Variants in RNF168 observed in about 807,000 individuals in gnomAD.
RNF168 encodes the protein ring finger protein 168.
RNF168 carries 34 observed loss-of-function variants against 34.9 expected under a neutral mutation model. That is an observed-to-expected ratio of 0.97 (90% CI 0.74 to 1.30). The LOEUF (loss-of-function observed/expected upper bound fraction) is 1.30, where lower values mean the gene tolerates loss of function less well. Ranked by LOEUF, RNF168 falls within the 50% of genes most tolerant of loss-of-function variation. The pLI is 0.00. For synonymous variants in RNF168, 264 were observed against 254.7 expected (o/e 1.04, Z -0.35); for missense variants, 725 against 682.5 (o/e 1.06, Z -0.69).
At chr3:196,489,341 T>C (rs1339933808) in intron 1 of RNF168, among the ~76,000 whole-genome samples, 3 of 151,944 alleles carry the variant, frequency 2.0e-5, no homozygotes, top group Non-Finnish European at 4.4e-5. Flanking sequence ...TGTTTTTTTT[T>C]TTTGAGACAG....
chr3:196,493,009 G>C (rs1179232400), intron 1 of RNF168, among the ~76,000 whole-genome samples: 1 of 151,966 alleles, frequency 6.6e-6, no homozygotes, highest in Non-Finnish European at 1.5e-5. Flanking sequence ...AAACGACTAA[G>C]AAGAACATAT....
intron 1 of RNF168, among the ~76,000 whole-genome samples, chr3:196,500,620 A>G (rs1732856448): frequency 6.6e-6 from 1 of 152,200 alleles, no homozygotes; most frequent in Admixed American, 6.5e-5. Flanking sequence ...ATGCCACTGA[A>G]CCATACAATT....
At position 196,495,701 on chromosome 3, in the gene RNF168, T is replaced by C. The variant is rs150420076; in HGVS notation, c.302-7018A>G. 3.5e-4 allele frequency among the ~76,000 whole-genome samples: 53 copies of C among 152,342 alleles called. No homozygotes were observed. The East Asian group carries it at 9.8e-3, about 28-fold the overall frequency. ...CGACTGTATCCTTCACCCTTTGTAA[T>C]TAATAAGCAATCTGTAAGATGATAT... On this transcript the variant is annotated intron_variant, in intron 1 of 5. Coordinates refer to ENST00000318037, the MANE Select transcript of RNF168 (RefSeq NM_152617.4).
chr3:196,478,840 T>C (rs1282034674), intron 4 of RNF168, among the ~76,000 whole-genome samples: 1 of 148,962 alleles, frequency 6.7e-6, no homozygotes, highest in East Asian at 2.0e-4. Context: ...CGAATTTTTG[T>C]ATTTTTGGTA....
chr3:196,501,013 G>C (rs993077883), intron 1 of RNF168, among the ~76,000 whole-genome samples: 1 of 152,248 alleles, frequency 6.6e-6, no homozygotes, highest in South Asian at 2.1e-4. Flanking sequence ...GCCCGGCCCC[G>C]CAATTTTTTG....
chr3:196,498,777 C>T (rs1732810487), intron 1 of RNF168, among the ~76,000 whole-genome samples: 1 of 151,864 alleles, frequency 6.6e-6, no homozygotes, highest in South Asian at 2.1e-4. Flanking sequence ...GGTGGATCAC[C>T]TGAGGTCAGG....
intron 3 of RNF168, among the ~76,000 whole-genome samples, chr3:196,486,431 C>G (rs938549443): frequency 1.3e-5 from 2 of 152,110 alleles, no homozygotes; most frequent in Non-Finnish European, 2.9e-5. Flanking sequence ...CTCCTGGGCT[C>G]AAGGGATCCT....
chr3:196,503,533 G>A lies in RNF168; in HGVS notation c.-360C>T. 1 of 342,058 alleles carries A rather than the reference G, an allele frequency of 2.9e-6. No individual in the cohort carries two copies. Among genetic ancestry groups the A allele is most frequent in the Non-Finnish European group, 5.7e-6 (1 of 176,860 alleles). 21.2% of individuals were successfully genotyped at this position (342,058 alleles called of 1,614,324 possible). On this transcript the variant is annotated 5_prime_UTR_variant, in exon 1 of 6. Transcript: ENST00000318037. ...GCCAAGTCCTCTCCTCCCCTCACCCGGAAAGGATGCTCCGCTCAGCTCGGG... is the reference window on the plus strand; with the variant it reads ...GCCAAGTCCTCTCCTCCCCTCACCCAGAAAGGATGCTCCGCTCAGCTCGGG...
chr3:196,471,145 G>C lies in RNF168; in HGVS notation c.*674C>G, dbSNP rs1406487334. On this transcript the variant is annotated 3_prime_UTR_variant, in exon 6 of 6. Coordinates refer to ENST00000318037, the MANE Select transcript of RNF168 (RefSeq NM_152617.4). The stretch of plus-strand genomic sequence containing the variant: ...CGGGAGGCGGAGGTTGCAGTGAGCT[G>C]AGATCGCGCCATTGCACACCAGCCT... The C allele has an allele frequency of 7.6e-6, 1 of 132,388 alleles. No homozygotes were observed. The highest frequency in any genetic ancestry group is 2.6e-4 in the East Asian group (1 of 3,886). 8.2% of individuals were successfully genotyped at this position (132,388 alleles called of 1,614,324 possible).
At chr3:196,487,167 C>T (rs999752909) in intron 3 of RNF168, among the ~76,000 whole-genome samples, 1 of 152,202 alleles carries the variant, frequency 6.6e-6, no homozygotes, top group East Asian at 1.9e-4. Flanking sequence ...TATGGCAACG[C>T]CATCTCTTCT....
intron 1 of RNF168, among the ~76,000 whole-genome samples, chr3:196,492,251 C>T (rs776625119): frequency 4.1e-4 from 62 of 152,170 alleles, no homozygotes; most frequent in Admixed American, 5.2e-4. Context: ...GTAATCCCAG[C>T]ACTTTGGAAG....
Position 196,472,155 on chromosome 3 carries a change from C to G in RNF168, c.1380G>C (p.Glu460Asp), listed in dbSNP as rs1732023132. ...ALQLQKEVDK[E>D]QMVPNRQKGS... ...CTTTTTGCCGGTTTGGCACCATTTG[C>G]TCTTTATCCACCTCCTTCTGAAGTT... The change falls in exon 6 of 6, where the codon GAG becomes GAC. Residue 460 changes from glutamate to aspartate, a missense_variant. Glu to Asp is a conservative substitution (Grantham distance 45). Transcript: ENST00000318037. 3 of 1,614,032 alleles carry G rather than the reference C, an allele frequency of 1.9e-6. No individual in the cohort carries two copies. The highest frequency in any genetic ancestry group is 1.7e-6 in the Non-Finnish European group (2 of 1,180,038).
chr3:196,481,141 T>C (rs978257790), intron 4 of RNF168, among the ~76,000 whole-genome samples: 7 of 152,236 alleles, frequency 4.6e-5, no homozygotes, highest in African/African-American at 7.2e-5. Context: ...CTCTGAAGAA[T>C]GATAGCTGCT....
Position 196,472,100 on chromosome 3 carries a change from T to C in RNF168, c.1435A>G (p.Thr479Ala), listed in dbSNP as rs1278067129. 1.7e-5 allele frequency: 28 copies of C among 1,613,594 alleles called. No individual in the cohort carries two copies. The highest frequency in any genetic ancestry group is 2.7e-5 in the African/African-American group (2 of 74,906). Residue 479 changes from threonine to alanine, a missense_variant, in exon 6 of 6, where the codon ACA becomes GCA. By Grantham distance (58) the Thr-to-Ala change is moderately conservative. Transcript: ENST00000318037. ...AGCACTTTGTCTGGAGGGGAGGATG[T>C]AGCGCGTAAGTGATACTCATCTGGG... is the stretch of plus-strand genomic sequence containing the variant. ...GSPDEYHLRA[T>A]SSPPDKVLNG...
chr3:196,485,415 G>C (rs1732399060), intron 3 of RNF168, among the ~76,000 whole-genome samples: 1 of 151,972 alleles, frequency 6.6e-6, no homozygotes, highest in African/African-American at 2.4e-5. Flanking sequence ...GCTGAGGCAG[G>C]AGCATCGCTT....
At chr3:196,479,257 C>T (rs985327121) in intron 4 of RNF168, among the ~76,000 whole-genome samples, 1 of 151,700 alleles carries the variant, frequency 6.6e-6, no homozygotes, top group Non-Finnish European at 1.5e-5. Context: ...AGGTGATCCA[C>T]CCGCCTCGGC....
chr3:196,481,928 T>A (rs1255431999), intron 4 of RNF168, among the ~76,000 whole-genome samples: 1 of 150,644 alleles, frequency 6.6e-6, no homozygotes, highest in Non-Finnish European at 1.5e-5. Context: ...CCTCCCAAAG[T>A]GCTGGGATTA....
In RNF168 at chr3:196,488,592, CTATT is replaced by C. The variant is rs1256860183; in HGVS notation, c.378+11_378+14del. The C allele has an allele frequency of 2.3e-5, 32 of 1,412,626 alleles. No individual in the cohort carries two copies. The highest frequency in any genetic ancestry group is 3.6e-4 in the Middle Eastern group (2 of 5,488). 87.5% of individuals were successfully genotyped at this position (1,412,626 alleles called of 1,614,324 possible). On this transcript the variant is annotated intron_variant, in intron 2 of 5. Coordinates refer to ENST00000318037, the MANE Select transcript of RNF168 (RefSeq NM_152617.4). ...CAGAGAAATATTCCAAAAAAAAAAA[CTATT>C]TAGCACCTACCTTGCTTATTTCCTC...
intron 1 of RNF168, among the ~76,000 whole-genome samples, chr3:196,502,406 G>A (rs1161171333): frequency 6.6e-6 from 1 of 152,152 alleles, no homozygotes; most frequent in East Asian, 1.9e-4. Flanking sequence ...GGCCAACATG[G>A]TGAAATCCCG....
Sources: allele counts gnomAD v4.1 joint callset (sites outside exome capture counted in the v4.1 genomes callset), GRCh38; gene constraint gnomAD v4.1.1; transcripts MANE v1.5; gene names NCBI Gene and HGNC (gene_info 2026-07-23, HGNC 2026-07-21).